DENND1A: variants seen among roughly 807,000 people sequenced by gnomAD.
The protein encoded by DENND1A is DENN domain-containing protein 1A.
In DENND1A, 51 loss-of-function variants were observed where a neutral mutation model predicts 113.7. The observed-to-expected ratio is 0.45, with a 90% CI of 0.36 to 0.57. DENND1A has a LOEUF of 0.57. Among genes scored for constraint, DENND1A ranks in the 20% least tolerant of loss-of-function variants. DENND1A has a pLI of 0.00. For missense variants in DENND1A, 1,258 were observed against 1,395.9 expected (o/e 0.90, Z 1.57); for synonymous variants, 565 against 570.8 (o/e 0.99, Z 0.14).
At chr9:123,745,942 A>G (rs1589909811) in intron 5 of DENND1A, among the ~76,000 whole-genome samples, 2 of 152,368 alleles carry the variant, frequency 1.3e-5, no homozygotes, top group South Asian at 4.1e-4. Context: ...AAGACTGAAA[A>G]TAACAATTCT....
At chr9:123,806,278 C>T (rs922049147) in intron 2 of DENND1A, among the ~76,000 whole-genome samples, 1 of 146,604 alleles carries the variant, frequency 6.8e-6, no homozygotes, top group African/African-American at 2.5e-5. Flanking sequence ...TTTATTGAGA[C>T]AGAGTCTCGC....
intron 13 of DENND1A, among the ~76,000 whole-genome samples, chr9:123,546,570 C>T (rs1246316376): frequency 6.6e-6 from 1 of 151,722 alleles, no homozygotes; most frequent in Non-Finnish European, 1.5e-5. Context: ...AAAACAACAA[C>T]TAAGTATCTC....
chr9:123,694,349 T>G (rs1400891030), intron 5 of DENND1A, among the ~76,000 whole-genome samples: 1 of 152,088 alleles, frequency 6.6e-6, no homozygotes, highest in Non-Finnish European at 1.5e-5. Context: ...AAACCCAAGC[T>G]CTGTGTCATC....
chr9:123,928,416 T>C (rs1857463459), intron 1 of DENND1A, among the ~76,000 whole-genome samples: 1 of 152,250 alleles, frequency 6.6e-6, no homozygotes, highest in Non-Finnish European at 1.5e-5. Flanking sequence ...TTTACAACTC[T>C]TACTTGGAAG....
At chr9:123,468,724 C>T (rs2049154380) in intron 13 of DENND1A, among the ~76,000 whole-genome samples, 1 of 152,136 alleles carries the variant, frequency 6.6e-6, no homozygotes, top group African/African-American at 2.4e-5. Flanking sequence ...CTAAAGAATG[C>T]CAAGACCTTG....
At chr9:123,928,002 G>C (rs762527022) in intron 1 of DENND1A, among the ~76,000 whole-genome samples, 1 of 152,132 alleles carries the variant, frequency 6.6e-6, no homozygotes, top group Non-Finnish European at 1.5e-5. Context: ...TTCTCTTTCG[G>C]TTTCACCACA....
intron 8 of DENND1A, among the ~76,000 whole-genome samples, chr9:123,664,036 C>T (rs1181212075): frequency 2.0e-5 from 3 of 152,126 alleles, no homozygotes; most frequent in Non-Finnish European, 1.5e-5. Context: ...CCCGGTTGCA[C>T]ACTTTGAAAA....
intron 2 of DENND1A, among the ~76,000 whole-genome samples, chr9:123,828,512 A>T (rs2132722925): frequency 6.6e-6 from 1 of 152,132 alleles, no homozygotes; most frequent in East Asian, 1.9e-4. Flanking sequence ...CATACCAAAA[A>T]ATCAGATCCC....
chr9:123,511,795 C>T (rs1166939681), intron 13 of DENND1A, among the ~76,000 whole-genome samples: 2 of 152,164 alleles, frequency 1.3e-5, no homozygotes, highest in African/African-American at 4.8e-5. Context: ...CAGCGCCAGG[C>T]GGGAATGGGG....
intron 2 of DENND1A, among the ~76,000 whole-genome samples, chr9:123,857,196 G>C (rs1002461306): frequency 2.0e-5 from 3 of 152,160 alleles, no homozygotes; most frequent in Non-Finnish European, 4.4e-5. Flanking sequence ...GAAACTAAAA[G>C]ATGAGCACAG....
intron 12 of DENND1A, among the ~76,000 whole-genome samples, chr9:123,582,639 T>C (rs994754519): frequency 3.9e-5 from 6 of 152,178 alleles, no homozygotes; most frequent in Admixed American, 3.9e-4. Context: ...GACCTCATGA[T>C]CTGCCCGCCT....
At chr9:123,845,689 AAAAAAAG>A (rs1842509815) in intron 2 of DENND1A, among the ~76,000 whole-genome samples, 2 of 149,958 alleles carry the variant, frequency 1.3e-5, no homozygotes, top group African/African-American at 2.5e-5. Flanking sequence ...AAAAAAAAAA[AAAAAAAG>A]AGGAATAAAA....
intron 14 of DENND1A, 115 bp from the exon 15 acceptor site, chr9:123,457,550 C>A: frequency 2.2e-6 from 2 of 896,104 alleles, no homozygotes; most frequent in Non-Finnish European, 3.5e-6. Flanking sequence ...TAAGGTTCAA[C>A]AGGCAAGTTT....
At chr9:123,445,649 TC>T (rs2047249807) in intron 18 of DENND1A, among the ~76,000 whole-genome samples, 1 of 152,174 alleles carries the variant, frequency 6.6e-6, no homozygotes. Context: ...GGCGGGCAGA[TC>T]ACCTAAGGTC....
At chr9:123,690,084 AGGAG>A (rs1200814385) in intron 5 of DENND1A, among the ~76,000 whole-genome samples, 629 of 59,386 alleles carry the variant, frequency 0.011, 8 homozygotes, top group East Asian at 0.023. Context: ...GAAGAAGGAA[AGGAG>A]GGAGGGAGGG....
At chr9:123,925,720 G>A (rs1425492753) in intron 1 of DENND1A, among the ~76,000 whole-genome samples, 4 of 152,176 alleles carry the variant, frequency 2.6e-5, no homozygotes, top group Non-Finnish European at 5.9e-5. Context: ...ATGAATAAAT[G>A]GATAAATTTC....
chr9:123,445,752 A>G (rs2047259184), intron 18 of DENND1A, among the ~76,000 whole-genome samples: 1 of 152,208 alleles, frequency 6.6e-6, no homozygotes, highest in Non-Finnish European at 1.5e-5. Flanking sequence ...CTGTAATCCC[A>G]GCTACTTGGG....
chr9:123,806,624 C>T (rs1203620195), intron 2 of DENND1A, among the ~76,000 whole-genome samples: 1 of 152,166 alleles, frequency 6.6e-6, no homozygotes, highest in Non-Finnish European at 1.5e-5. Context: ...CATCAGCACT[C>T]AGGAAGTTTT....
intron 1 of DENND1A, among the ~76,000 whole-genome samples, chr9:123,881,956 C>G (rs545410254): frequency 6.6e-6 from 1 of 152,276 alleles, no homozygotes; most frequent in East Asian, 1.9e-4. Context: ...TGCCCTCCTC[C>G]TTGAATGTCT....
Sources: allele counts gnomAD v4.1 joint callset (sites outside exome capture counted in the v4.1 genomes callset), GRCh38; gene constraint gnomAD v4.1.1; transcripts MANE v1.5; gene names NCBI Gene and HGNC (gene_info 2026-07-23, HGNC 2026-07-21).